Variants in RELN observed in about 807,000 individuals in gnomAD.
The protein encoded by RELN is reelin.
A neutral mutation model predicts 427.6 loss-of-function variants in RELN; 108 were observed. That is an observed-to-expected ratio of 0.25 (90% CI 0.22 to 0.30). The LOEUF is 0.30. RELN is among the 10% of genes least tolerant of loss of function. The pLI, the probability that RELN is intolerant of heterozygous loss-of-function variation, is 1.00. For synonymous variants in RELN, 1,524 were observed against 1,513.4 expected (o/e 1.01, Z -0.16); for missense variants, 3,715 against 4,302.8 (o/e 0.86, Z 3.82).
intron 3 of RELN, among the ~76,000 whole-genome samples, chr7:103,827,482 C>T (rs1416258553): frequency 6.6e-6 from 1 of 152,036 alleles, no homozygotes; most frequent in African/African-American, 2.4e-5. Context: ...TTTATCTCAA[C>T]CATACTTCCT....
chr7:103,642,010 C>A (rs569884319), intron 16 of RELN, among the ~76,000 whole-genome samples: 1 of 152,268 alleles, frequency 6.6e-6, no homozygotes, highest in South Asian at 2.1e-4. Flanking sequence ...TTATTGTCAT[C>A]TCTTCCTGCT....
rs1586456342 is a variant in RELN, at chr7:103,473,835, T to C, written c.10287-927A>G. Among the ~76,000 whole-genome samples the C allele has an allele frequency of 3.3e-5, 5 of 152,280 alleles. No individual in the cohort carries two copies. In the East Asian group the frequency reaches 9.6e-4, roughly 29 times the overall value. ...ACAATATATCCATATGTGGCATCAA[T>C]ATGTGGTTTATGAGAGTGAGCCTAT... is the stretch of plus-strand genomic sequence containing the variant. On this transcript the variant is annotated intron_variant, in intron 64 of 64. Transcript: ENST00000428762.
intron 16 of RELN, among the ~76,000 whole-genome samples, chr7:103,649,190 G>C (rs1832859950): frequency 6.6e-6 from 1 of 151,928 alleles, no homozygotes; most frequent in Admixed American, 6.6e-5. Context: ...CCACTAAAAT[G>C]TTCATTAATG....
chr7:103,920,604 C>T (rs1373962937), intron 1 of RELN, among the ~76,000 whole-genome samples: 22 of 133,978 alleles, frequency 1.6e-4, no homozygotes, highest in African/African-American at 3.7e-4. Context: ...GAGAGAGTCT[C>T]GCTCTCTTAC....
rs892302059 is a variant in RELN at position 103,628,332 on chromosome 7, A to T, written c.2702+1608T>A. On this transcript the variant is annotated intron_variant, in intron 20 of 64. Coordinates refer to ENST00000428762, the MANE Select transcript of RELN (RefSeq NM_005045.4). ...GAGGCAGAGGTTGCAGTGAGTTGAG[A>T]TCGCACCATTGCACTCCAGCCTGGG... 9.2e-5 allele frequency: 14 copies of T among 152,234 alleles called. 1 individual carries two copies. Among genetic ancestry groups the T allele is most frequent in the Admixed American group, 7.9e-4 (12 of 15,276 alleles). The allele number at this position is 152,234 out of a possible 1,614,324, so 9.4% of individuals were successfully genotyped here. A position where few individuals can be genotyped will look rare whatever the true frequency, so the allele number is the denominator to read the frequency against.
intron 63 of RELN, among the ~76,000 whole-genome samples, chr7:103,478,735 A>G (rs1427039205): frequency 7.9e-5 from 12 of 152,212 alleles, no homozygotes; most frequent in Admixed American, 5.9e-4. Flanking sequence ...TGATTTTTCA[A>G]TTATTTTACA....
chr7:103,917,929 G>GT (rs1438812516), intron 1 of RELN, among the ~76,000 whole-genome samples: 1 of 152,000 alleles, frequency 6.6e-6, no homozygotes, highest in Non-Finnish European at 1.5e-5. Context: ...CCTGCTTGAC[G>GT]TAACATTTTC....
At chr7:103,767,983 C>A (rs997870078) in intron 4 of RELN, among the ~76,000 whole-genome samples, 20 of 152,144 alleles carry the variant, frequency 1.3e-4, no homozygotes, top group African/African-American at 4.8e-4. Flanking sequence ...TAACATGGTA[C>A]CACGTTTAGT....
chr7:103,986,942 GTGTGTGTGTGT>G (rs964394990), intron 1 of RELN, among the ~76,000 whole-genome samples: 9 of 89,302 alleles, frequency 1.0e-4, no homozygotes, highest in African/African-American at 4.2e-4. Context: ...GTGTGTGTGT[GTGTGTGTGTGT>G]GTGTGTGTGT....
rs76956917 is a variant in RELN at position 103,860,224 on chromosome 7, A to G, written c.338-26552T>C. 4.1e-3 allele frequency among the ~76,000 whole-genome samples: 621 copies of G among 152,292 alleles called. 22 individuals are homozygous for G. In the East Asian group the frequency reaches 0.072, roughly 18 times the overall value. On this transcript the variant is annotated intron_variant, in intron 2 of 64. Transcript: ENST00000428762. ...TAACTTTATACTCAACTCTCAAAAC[A>G]CTTAATATTCATCATATCATGAATT...
chr7:103,606,388 G>C (rs1831820551), intron 22 of RELN, among the ~76,000 whole-genome samples: 1 of 152,150 alleles, frequency 6.6e-6, no homozygotes, highest in South Asian at 2.1e-4. Flanking sequence ...CTAGTAGTTG[G>C]GGGACAAGGC....
intron 3 of RELN, among the ~76,000 whole-genome samples, chr7:103,829,225 T>C (rs1793216245): frequency 1.3e-5 from 2 of 151,968 alleles, no homozygotes; most frequent in Admixed American, 6.6e-5. Flanking sequence ...TACAACCCCC[T>C]TTCCCTGGTA....
chr7:103,561,891 G>A lies in RELN; in HGVS notation c.5273C>T (p.Ala1758Val), dbSNP rs753433967. The A allele has an allele frequency of 9.5e-6, 15 of 1,572,506 alleles. No homozygotes were observed. The highest frequency in any genetic ancestry group is 2.8e-5 in the African/African-American group (2 of 70,650). ...TGAGGCCAGTACAACATTATCAATC[G>A]CCCAGGAATCAGCCCCCACAGTGTA... ...ANYTVGADSW[A>V]IDNVVLASGC... is the part of the protein sequence containing the mutation. Residue 1758 changes from alanine to valine, a missense_variant, in exon 35 of 65, where the codon GCG (alanine) becomes GTG (valine). By Grantham distance (64) the Ala-to-Val change is moderately conservative. Coordinates refer to ENST00000428762, the MANE Select transcript of RELN (RefSeq NM_005045.4).
At chr7:103,798,065 G>A (rs577391804) in intron 3 of RELN, among the ~76,000 whole-genome samples, 14 of 152,164 alleles carry the variant, frequency 9.2e-5, no homozygotes, top group Non-Finnish European at 1.3e-4. Flanking sequence ...TCCCTGCTCC[G>A]TACTCTTGGG....
Position 103,652,636 on chromosome 7 carries a change from C to T in RELN, c.1678G>A (p.Val560Ile), listed in dbSNP as rs1832944974. Reference protein sequence around the residue: ...RNVWAVDFFHVLPVLPSTMSH... With the variant: ...RNVWAVDFFHILPVLPSTMSH... Reference sequence around the variant, plus strand: ...ATTGTAGAAGGGAGAACAGGCAAGACATGGAAAAAGTCTACAGCCCAGACA... The same window carrying T: ...ATTGTAGAAGGGAGAACAGGCAAGATATGGAAAAAGTCTACAGCCCAGACA... Residue 560 changes from valine (V) to isoleucine (I), a missense_variant, in exon 14 of 65, where the codon GTC (valine) becomes ATC (isoleucine). Val to Ile is a conservative substitution (Grantham distance 29, BLOSUM62 3). Coordinates refer to ENST00000428762, the MANE Select transcript of RELN (RefSeq NM_005045.4). The T allele has an allele frequency of 6.2e-7, 1 of 1,612,900 alleles. No individual in the cohort carries two copies. The highest frequency in any genetic ancestry group is 2.2e-5 in the East Asian group (1 of 44,812).
At chr7:103,576,255 T>G (rs938362703) in intron 28 of RELN, among the ~76,000 whole-genome samples, 1 of 152,250 alleles carries the variant, frequency 6.6e-6, no homozygotes, top group Non-Finnish European at 1.5e-5. Context: ...TTCTCGTGCT[T>G]CAGCCTCCCG....
chr7:103,931,463 C>T lies in RELN; in HGVS notation c.227-14278G>A, dbSNP rs1464306595. 2.0e-5 allele frequency among the ~76,000 whole-genome samples: 3 copies of T among 152,184 alleles called. No homozygotes were observed. The East Asian group carries it at 5.8e-4, about 29-fold the overall frequency. On this transcript the variant is annotated intron_variant, in intron 1 of 64. Transcript: ENST00000428762. ...AAATAGTTGTGTACACATCTGACAT[C>T]CCTTGGTAAGGTGTAAGTGCCTTGG...
intron 46 of RELN, among the ~76,000 whole-genome samples, chr7:103,530,650 C>T (rs564476345): frequency 1.3e-5 from 2 of 152,264 alleles, no homozygotes; most frequent in South Asian, 2.1e-4. Flanking sequence ...CTGCTTGAAT[C>T]GGCAACTCAT....
Position 103,565,448 on chromosome 7 carries a change from G to C in RELN, c.5040C>G (p.His1680Gln). The change falls in exon 34 of 65, where the codon CAC becomes CAG. Residue 1680 changes from histidine (H) to glutamine (Q), a missense_variant. His to Gln is a conservative substitution (Grantham distance 24). Around this residue, in one of 4 missense-constraint regions of RELN, gnomAD observed 2,208 missense variants for 2,361.7 expected, o/e 0.93. Transcript: ENST00000428762. ...MGCSKPFSNS[H>Q]SVQLQYSLNN... ...TCAGAGAATACTGGAGCTGTACACT[G>C]TGGGAGTTGCTGAAGGGCTTGCTAC... 1 of 1,613,926 alleles carries C rather than the reference G, an allele frequency of 6.2e-7. No individual in the cohort carries two copies. The highest frequency in any genetic ancestry group is 8.5e-7 in the Non-Finnish European group (1 of 1,179,944).
Sources: allele counts gnomAD v4.1 joint callset (sites outside exome capture counted in the v4.1 genomes callset), GRCh38; gene constraint gnomAD v4.1.1; regional missense constraint gnomAD v4.1.1; transcripts MANE v1.5; gene names NCBI Gene and HGNC (gene_info 2026-07-23, HGNC 2026-07-21).